DEUP1: variants seen among roughly 807,000 people sequenced by gnomAD.
The protein encoded by DEUP1 is deuterosome assembly protein 1.
Under a neutral mutation model 87.4 loss-of-function variants are expected in DEUP1, and 82 were observed. The ratio of observed to expected loss-of-function variants is 0.94; its 90% CI spans 0.78 to 1.13. DEUP1 has a LOEUF of 1.13. DEUP1 is among the 50% of genes most tolerant of loss of function. The pLI is 0.00. For synonymous variants in DEUP1, 214 were observed against 222.7 expected (o/e 0.96, Z 0.35); for missense variants, 663 against 681.5 (o/e 0.97, Z 0.30).
chr11:93,332,401 T>C, intron 2 of DEUP1, 113 bp downstream of exon 2: 1 of 791,972 alleles, frequency 1.3e-6, no homozygotes, highest in Non-Finnish European at 2.1e-6. Context: ...GCCAATTATT[T>C]TTGGTGAGGC....
chr11:93,361,913 C>T (rs912860467), intron 4 of DEUP1, among the ~76,000 whole-genome samples: 5 of 151,852 alleles, frequency 3.3e-5, no homozygotes, highest in Admixed American at 3.3e-4. Flanking sequence ...GAGAAATATA[C>T]CATGCAAATA....
At chr11:93,375,268 T>A (rs750580896) in intron 7 of DEUP1, among the ~76,000 whole-genome samples, 1 of 152,200 alleles carries the variant, frequency 6.6e-6, no homozygotes, top group African/African-American at 2.4e-5. Flanking sequence ...TTTTACTGAT[T>A]TGGATGCCCT....
intron 13 of DEUP1, among the ~76,000 whole-genome samples, chr11:93,415,506 T>A (rs1947587695): frequency 6.6e-6 from 1 of 151,802 alleles, no homozygotes. Flanking sequence ...GCCGTAAGTG[T>A]AGACACAGGT....
At chr11:93,428,122 G>A (rs1432207530) in intron 13 of DEUP1, among the ~76,000 whole-genome samples, 1 of 152,124 alleles carries the variant, frequency 6.6e-6, no homozygotes, top group South Asian at 2.1e-4. Context: ...TATAAATCAT[G>A]CTGCTATAAA....
intron 2 of DEUP1, among the ~76,000 whole-genome samples, chr11:93,337,921 C>T (rs576425652): frequency 9.9e-5 from 15 of 151,924 alleles, no homozygotes; most frequent in African/African-American, 3.6e-4. Context: ...TCTTAAAAAT[C>T]TGATATGTGT....
At chr11:93,412,848 C>T (rs907471079) in intron 12 of DEUP1, among the ~76,000 whole-genome samples, 4 of 151,754 alleles carry the variant, frequency 2.6e-5, no homozygotes, top group Non-Finnish European at 4.4e-5. Flanking sequence ...CATCATAAAC[C>T]ATGTTATTTC....
intron 13 of DEUP1, among the ~76,000 whole-genome samples, chr11:93,418,828 T>C (rs1947750965): frequency 6.6e-6 from 1 of 152,136 alleles, no homozygotes; most frequent in African/African-American, 2.4e-5. Context: ...GTGGCACATA[T>C]ACATCATGGA....
intron 11 of DEUP1, among the ~76,000 whole-genome samples, chr11:93,406,220 G>A (rs1947271617): frequency 6.6e-6 from 1 of 151,842 alleles, no homozygotes; most frequent in Non-Finnish European, 1.5e-5. Context: ...CTAAAATTGA[G>A]TGTCTCCTAC....
In DEUP1 at chr11:93,401,825, C is replaced by T. The variant is rs999604486; in HGVS notation, c.1326+5500C>T. On this transcript the variant is annotated intron_variant, in intron 11 of 13. Transcript: ENST00000298050. Reference sequence around the variant, plus strand: ...TTACGTGTAGAAGAATAAAACTAGACTCCTATCTCTCACCAAACAAAAATC... The same window carrying T: ...TTACGTGTAGAAGAATAAAACTAGATTCCTATCTCTCACCAAACAAAAATC... Among the ~76,000 whole-genome samples, 46 of 152,084 alleles carry T rather than the reference C, an allele frequency of 3.0e-4. 2 individuals carry two copies. Among genetic ancestry groups the T allele is most frequent in the Admixed American group, 2.4e-3 (36 of 15,254 alleles).
chr11:93,375,946 T>C lies in DEUP1; in HGVS notation c.789+4666T>C, dbSNP rs114034787. 7.4e-3 allele frequency among the ~76,000 whole-genome samples: 1,130 copies of C among 151,750 alleles called. 18 individuals are homozygous for C. The highest frequency in any genetic ancestry group is 0.027 in the African/African-American group (1,092 of 41,160). On this transcript the variant is annotated intron_variant, in intron 7 of 13. Coordinates refer to ENST00000298050, the MANE Select transcript of DEUP1 (RefSeq NM_181645.4). ...TTTTTGTTGGCAATTTTCATATTAC[T>C]GTTTTGTTTTGTTTTGTTTTTTAAA...
At chr11:93,435,920 C>T (rs867827271) in intron 13 of DEUP1, among the ~76,000 whole-genome samples, 65 of 150,856 alleles carry the variant, frequency 4.3e-4, no homozygotes, top group African/African-American at 1.3e-3. Flanking sequence ...GGCGTGAACC[C>T]GGGAGGTGGA....
chr11:93,346,427 A>G (rs1397269385), intron 2 of DEUP1, among the ~76,000 whole-genome samples: 2 of 152,150 alleles, frequency 1.3e-5, no homozygotes, highest in African/African-American at 4.8e-5. Flanking sequence ...GAGTTTCACC[A>G]TGTTGCCCAG....
intron 2 of DEUP1, chr11:93,352,613 T>C (rs1295770746): frequency 5.2e-6 from 3 of 577,800 alleles, no homozygotes; most frequent in Non-Finnish European, 9.1e-6. Flanking sequence ...GATAAAGATG[T>C]ACCTGAGACT....
In DEUP1 at chr11:93,408,853, GGTTT is replaced by G. The variant is rs368959929; in HGVS notation, c.1523+443_1523+446del. 4.5e-3 allele frequency among the ~76,000 whole-genome samples: 687 copies of G among 151,794 alleles called. 3 individuals carry two copies. The highest frequency in any genetic ancestry group is 0.015 in the African/African-American group (627 of 41,406). On this transcript the variant is annotated intron_variant, in intron 12 of 13. Coordinates refer to ENST00000298050, the MANE Select transcript of DEUP1 (RefSeq NM_181645.4). Reference sequence around the variant, plus strand: ...TTTTTTTGTTGTTTTTGTTTTTTGGGGTTTGTTTGTTTGTTTGTTTTGAGATGGA... The same window carrying G: ...TTTTTTTGTTGTTTTTGTTTTTTGGGGTTTGTTTGTTTGTTTTGAGATGGA...
rs1304438280 is a variant in DEUP1 at position 93,367,011 on chromosome 11, CCT to C, written c.432+2718_432+2719del. Among the ~76,000 whole-genome samples the C allele has an allele frequency of 3.3e-5, 5 of 152,082 alleles. No homozygotes were observed. In the East Asian group the frequency reaches 9.7e-4, roughly 29 times the overall value. On this transcript the variant is annotated intron_variant, in intron 5 of 13. Coordinates refer to ENST00000298050, the MANE Select transcript of DEUP1 (RefSeq NM_181645.4). The stretch of plus-strand genomic sequence containing the variant: ...TAAATTTGCCATTATTGCTAAAGAC[CCT>C]GTTTTTATGTACCTAATTTTTGTAT...
intron 12 of DEUP1, chr11:93,411,257 A>G (rs1320138439): frequency 1.3e-5 from 2 of 152,250 alleles, no homozygotes; most frequent in Non-Finnish European, 2.9e-5. Context: ...TTAATCAAAA[A>G]CATACAAAGT....
At chr11:93,419,005 G>A (rs1947761956) in intron 13 of DEUP1, among the ~76,000 whole-genome samples, 1 of 150,410 alleles carries the variant, frequency 6.6e-6, no homozygotes, top group South Asian at 2.1e-4. Context: ...ACACAGGAAG[G>A]GGAACATCAC....
chr11:93,336,104 A>G (rs1424454494), intron 2 of DEUP1, among the ~76,000 whole-genome samples: 1 of 152,006 alleles, frequency 6.6e-6, no homozygotes, highest in Non-Finnish European at 1.5e-5. Flanking sequence ...CAAGAACAAA[A>G]CTCCATCTCA....
intron 9 of DEUP1, among the ~76,000 whole-genome samples, chr11:93,392,715 A>G (rs1388612986): frequency 2.0e-5 from 3 of 152,108 alleles, no homozygotes; most frequent in Non-Finnish European, 4.4e-5. Context: ...ATATACTGAA[A>G]TGTTTAAAGG....
Sources: gnomAD v4.1 joint callset for allele counts (sites outside exome capture counted in the v4.1 genomes callset) on GRCh38, gnomAD v4.1.1 for gene constraint, MANE v1.5 for transcripts, NCBI Gene and HGNC (gene_info 2026-07-23, HGNC 2026-07-21) for gene names.